The following TMEM132D variants were observed in gnomAD, a reference collection of about 807,000 sequenced individuals.
The protein encoded by TMEM132D is mature OL transmembrane protein.
TMEM132D carries 21 observed loss-of-function variants against 62.3 expected under a neutral mutation model. The observed-to-expected ratio is 0.34, with a 90% CI of 0.24 to 0.49. The LOEUF is 0.49. Ranked by LOEUF, TMEM132D falls within the 20% of genes least tolerant of loss-of-function variation. TMEM132D has a pLI of 0.99. For missense variants in TMEM132D, 1,346 were observed against 1,402.8 expected (o/e 0.96, Z 0.65); for synonymous variants, 621 against 575.6 (o/e 1.08, Z -1.13).
chr12:129,775,286 C>A (rs1870881605), intron 1 of TMEM132D, among the ~76,000 whole-genome samples: 1 of 152,158 alleles, frequency 6.6e-6, no homozygotes, highest in Admixed American at 6.5e-5. Context: ...CTTTGGATGT[C>A]AATGAGGACA....
chr12:129,396,357 G>A (rs1871431112), intron 3 of TMEM132D, among the ~76,000 whole-genome samples: 2 of 152,142 alleles, frequency 1.3e-5, no homozygotes, highest in African/African-American at 4.8e-5. Context: ...CCACATTGTA[G>A]ACTGGACACA....
chr12:129,815,371 A>G (rs1328383052), intron 1 of TMEM132D, among the ~76,000 whole-genome samples: 1 of 152,084 alleles, frequency 6.6e-6, no homozygotes, highest in Non-Finnish European at 1.5e-5. Context: ...CATAATAAAT[A>G]AGTAATTCCC....
chr12:129,780,231 G>A (rs1010079711), intron 1 of TMEM132D, among the ~76,000 whole-genome samples: 15 of 151,998 alleles, frequency 9.9e-5, no homozygotes, highest in Non-Finnish European at 2.2e-4. Flanking sequence ...CTGTGTGCTG[G>A]GCACTGTGGA....
At chr12:129,110,307 G>T (rs1193322660) in intron 5 of TMEM132D, 1 of 152,096 alleles carries the variant, frequency 6.6e-6, no homozygotes, top group Non-Finnish European at 1.5e-5. Context: ...TTAGGGGCGA[G>T]GGAGGAAAAC....
intron 4 of TMEM132D, among the ~76,000 whole-genome samples, chr12:129,216,919 G>A (rs545117203): frequency 6.6e-6 from 1 of 152,220 alleles, no homozygotes; most frequent in East Asian, 1.9e-4. Context: ...ATTTCTTATC[G>A]GTCTTAAGCC....
intron 3 of TMEM132D, among the ~76,000 whole-genome samples, chr12:129,468,646 T>C (rs1387377086): frequency 6.6e-6 from 1 of 152,184 alleles, no homozygotes; most frequent in African/African-American, 2.4e-5. Context: ...GATCCATAAA[T>C]AGTTCCCCAG....
At position 129,195,779 on chromosome 12, in the gene TMEM132D, T is replaced by C. The variant is rs534490650; in HGVS notation, c.1443+13741A>G. On this transcript the variant is annotated intron_variant, in intron 5 of 8. Coordinates refer to ENST00000422113, the MANE Select transcript of TMEM132D (RefSeq NM_133448.3). ...CTAAAAAGCTGTTAGAATCAAAATT[T>C]GTCATGTTAAATGGATCGTGTCCAT... Among the ~76,000 whole-genome samples, 4 of 152,328 alleles carry C rather than the reference T, an allele frequency of 2.6e-5. No homozygotes were observed. The South Asian group carries it at 8.3e-4, about 32-fold the overall frequency.
At chr12:129,835,044 A>T (rs1872960665) in intron 1 of TMEM132D, among the ~76,000 whole-genome samples, 1 of 152,212 alleles carries the variant, frequency 6.6e-6, no homozygotes. Context: ...AGCCGTATGC[A>T]CTAGGACACA....
At chr12:129,461,777 A>G (rs1873684854) in intron 3 of TMEM132D, among the ~76,000 whole-genome samples, 2 of 151,998 alleles carry the variant, frequency 1.3e-5, no homozygotes, top group South Asian at 2.1e-4. Context: ...GGACTGATGG[A>G]TGGATGGGAT....
chr12:129,581,465 T>C (rs1877861227), intron 2 of TMEM132D, among the ~76,000 whole-genome samples: 1 of 152,120 alleles, frequency 6.6e-6, no homozygotes, highest in African/African-American at 2.4e-5. Flanking sequence ...TCCCAAAACC[T>C]GAAAATTAGG....
intron 4 of TMEM132D, among the ~76,000 whole-genome samples, chr12:129,325,177 C>T (rs73148896): frequency 0.041 from 6,285 of 152,236 alleles, 437 homozygotes; most frequent in East Asian, 0.35. Flanking sequence ...GCTTCTGCCG[C>T]GGGATGGACA....
chr12:129,682,707 G>A (rs264513), intron 2 of TMEM132D, among the ~76,000 whole-genome samples: 42,713 of 151,226 alleles, frequency 0.28, 6,212 homozygotes, highest in Admixed American at 0.35. Flanking sequence ...AAAATACAAA[G>A]TATCAGCCGG....
At chr12:129,627,479 A>G (rs1429451890) in intron 2 of TMEM132D, among the ~76,000 whole-genome samples, 1 of 152,092 alleles carries the variant, frequency 6.6e-6, no homozygotes, top group Non-Finnish European at 1.5e-5. Flanking sequence ...ATGAAACCAC[A>G]TTTCTCAGAG....
chr12:129,703,012 T>G (rs976275246), intron 1 of TMEM132D, among the ~76,000 whole-genome samples: 4 of 152,218 alleles, frequency 2.6e-5, no homozygotes, highest in African/African-American at 9.6e-5. Flanking sequence ...GAGACTCCTA[T>G]AAGACCTACA....
At chr12:129,585,815 A>ATGTG (rs34364323) in intron 2 of TMEM132D, among the ~76,000 whole-genome samples, 3,828 of 147,670 alleles carry the variant, frequency 0.026, 70 homozygotes, top group East Asian at 0.074. Context: ...ATATGCATGC[A>ATGTG]TGTGTGTGTG....
intron 3 of TMEM132D, among the ~76,000 whole-genome samples, chr12:129,412,213 T>C (rs1280403476): frequency 2.6e-5 from 4 of 152,110 alleles, no homozygotes; most frequent in African/African-American, 9.7e-5. Context: ...GAAGACAATA[T>C]GACGGGATAT....
intron 2 of TMEM132D, among the ~76,000 whole-genome samples, chr12:129,577,833 G>A (rs1946149352): frequency 6.6e-6 from 1 of 152,204 alleles, no homozygotes; most frequent in South Asian, 2.1e-4. Context: ...AGAGAGAATA[G>A]TTAATCGTAT....
chr12:129,770,144 T>TG (rs1870691269), intron 1 of TMEM132D, among the ~76,000 whole-genome samples: 1 of 90,670 alleles, frequency 1.1e-5, no homozygotes, highest in Non-Finnish European at 2.2e-5. Context: ...TTTTTGGTTG[T>TG]TTTTTTTTTT....
At chr12:129,800,739 G>A (rs144336635) in intron 1 of TMEM132D, among the ~76,000 whole-genome samples, 15 of 152,086 alleles carry the variant, frequency 9.9e-5, no homozygotes, top group Non-Finnish European at 1.3e-4. Flanking sequence ...GAACAGCTCC[G>A]GTCTACAGCT....
Sources: gnomAD v4.1 joint callset for allele counts (sites outside exome capture counted in the v4.1 genomes callset) on GRCh38, gnomAD v4.1.1 for gene constraint, MANE v1.5 for transcripts, NCBI Gene and HGNC (gene_info 2026-07-23, HGNC 2026-07-21) for gene names.